MAF: variants seen among roughly 807,000 people sequenced by gnomAD.
The protein encoded by MAF is MAF bZIP transcription factor.
MAF carries 10 observed loss-of-function variants against 22.0 expected under a neutral mutation model. The ratio of observed to expected loss-of-function variants is 0.45; its 90% CI spans 0.28 to 0.77. The LOEUF (loss-of-function observed/expected upper bound fraction) is 0.77. Among genes scored for constraint, MAF ranks in the 30% least tolerant of loss-of-function variants. The pLI is 0.12. For synonymous variants in MAF, 337 were observed against 255.8 expected (o/e 1.32, Z -3.03); for missense variants, 544 against 548.4 (o/e 0.99, Z 0.08).
At chr16:79,273,901 A>T in the MAF span, among the ~76,000 whole-genome samples, 4 of 149,608 alleles carry the variant, frequency 2.7e-5, no homozygotes, top group African/African-American at 9.8e-5. Context: ...TGTCTGCCAT[A>T]GCTGGAGGTC....
At chr16:79,536,155 C>T in the MAF span, among the ~76,000 whole-genome samples, 1 of 152,192 alleles carries the variant, frequency 6.6e-6, no homozygotes, top group Admixed American at 6.5e-5. Flanking sequence ...TAAGGCGGTA[C>T]TTACCAAAAC....
chr16:79,230,784 G>T, the MAF span, among the ~76,000 whole-genome samples: 15 of 152,168 alleles, frequency 9.9e-5, no homozygotes, highest in South Asian at 2.5e-3. Flanking sequence ...TGAACAAAAT[G>T]TACTTATTGC....
the MAF span, among the ~76,000 whole-genome samples, chr16:79,466,050 G>C: frequency 6.6e-6 from 1 of 152,200 alleles, no homozygotes; most frequent in Non-Finnish European, 1.5e-5. Context: ...CCCACAGTGA[G>C]AATTTCAAGC....
At chr16:79,311,515 A>C in the MAF span, among the ~76,000 whole-genome samples, 1 of 146,458 alleles carries the variant, frequency 6.8e-6, no homozygotes, top group African/African-American at 2.6e-5. Flanking sequence ...AAAAAAAAAA[A>C]CATTATGTCT....
chr16:79,472,944 T>G, the MAF span, among the ~76,000 whole-genome samples: 1 of 152,020 alleles, frequency 6.6e-6, no homozygotes, highest in Non-Finnish European at 1.5e-5. Context: ...CGGTACCATA[T>G]GGCGCACCAG....
At chr16:79,228,600 T>G in the MAF span, among the ~76,000 whole-genome samples, 3 of 152,098 alleles carry the variant, frequency 2.0e-5, no homozygotes, top group Non-Finnish European at 1.5e-5. Context: ...CTCATGCCCT[T>G]TTCAATGGTT....
At chr16:79,342,296 C>G in the MAF span, among the ~76,000 whole-genome samples, 1 of 152,252 alleles carries the variant, frequency 6.6e-6, no homozygotes, top group Non-Finnish European at 1.5e-5. Flanking sequence ...AGAAAGAGGG[C>G]CCTCGTTGCT....
the MAF span, among the ~76,000 whole-genome samples, chr16:79,321,001 C>T: frequency 1.3e-5 from 2 of 152,078 alleles, no homozygotes; most frequent in African/African-American, 4.8e-5. Context: ...GGGGTTAGAC[C>T]CAGGTGACTA....
the MAF span, among the ~76,000 whole-genome samples, chr16:79,319,872 G>A: frequency 0.099 from 15,131 of 152,270 alleles, 970 homozygotes; most frequent in Middle Eastern, 0.14. Context: ...TGCAGTGGCT[G>A]AGGTTAGGCG....
At chr16:79,437,478 G>C in the MAF span, among the ~76,000 whole-genome samples, 1 of 151,972 alleles carries the variant, frequency 6.6e-6, no homozygotes, top group Non-Finnish European at 1.5e-5. Context: ...CATTAAAGTC[G>C]GGCTGATGGG....
At chr16:79,544,570 C>A in the MAF span, among the ~76,000 whole-genome samples, 1 of 151,926 alleles carries the variant, frequency 6.6e-6, no homozygotes, top group East Asian at 1.9e-4. Context: ...GTCAGGAGAT[C>A]GAGACCATCG....
the MAF span, among the ~76,000 whole-genome samples, chr16:79,265,735 A>G: frequency 6.6e-6 from 1 of 152,218 alleles, no homozygotes; most frequent in African/African-American, 2.4e-5. Context: ...CCTATCCTTA[A>G]GTCCAGAACT....
chr16:79,509,948 C>A, the MAF span, among the ~76,000 whole-genome samples: 12 of 152,312 alleles, frequency 7.9e-5, 1 homozygote, highest in South Asian at 4.1e-4. Flanking sequence ...AGGGACTCAC[C>A]GCTGAAGGAT....
chr16:79,342,301 G>A, the MAF span, among the ~76,000 whole-genome samples: 5 of 152,126 alleles, frequency 3.3e-5, no homozygotes, highest in African/African-American at 4.8e-5. Flanking sequence ...GAGGGCCCTC[G>A]TTGCTCTCCA....
chr16:79,397,304 G>C, the MAF span, among the ~76,000 whole-genome samples: 2 of 152,194 alleles, frequency 1.3e-5, no homozygotes, highest in African/African-American at 4.8e-5. Flanking sequence ...TCATCAATGT[G>C]TGGAGAGTTA....
chr16:79,598,604 G>GTGTGTT lies in MAF; in HGVS notation c.1118+180_1118+181insAACACA. The GTGTGTT allele has an allele frequency of 3.3e-6, 5 of 1,495,016 alleles. No homozygotes were observed. In the South Asian group the frequency reaches 3.9e-5, roughly 12 times the overall value. The allele number at this position is 1,495,016 out of a possible 1,614,324, so 92.6% of individuals were successfully genotyped here. ...GGGGTGTGTGTGTGTGTGTGTGTGT[G>GTGTGTT]TGTGTGGTGTGTGCGTGCGGGTTTG... On this transcript the variant is annotated intron_variant, in intron 1 of 1. Coordinates refer to ENST00000326043, the MANE Select transcript of MAF (RefSeq NM_005360.5).
the MAF span, among the ~76,000 whole-genome samples, chr16:79,334,902 A>G: frequency 1.3e-5 from 2 of 151,886 alleles, no homozygotes; most frequent in Non-Finnish European, 2.9e-5. Context: ...GAACATACAT[A>G]GAGGCTGGGT....
chr16:79,261,146 GTATT>G, the MAF span, among the ~76,000 whole-genome samples: 79 of 151,720 alleles, frequency 5.2e-4, 1 homozygote, highest in South Asian at 3.4e-3. Context: ...GCTCCCATGG[GTATT>G]TATTTATTTA....
In MAF at chr16:79,599,985, A is replaced by C; in HGVS notation, c.-83T>G. 1.9e-6 allele frequency: 3 copies of C among 1,579,172 alleles called. No individual in the cohort carries two copies. Among genetic ancestry groups the C allele is most frequent in the Non-Finnish European group, 2.6e-6 (3 of 1,166,440 alleles). ...GGCCAGCGGGCTGTGCTGGGTGGCC[A>C]GCGGGTGAGCCAGCTTGCCGGGCTG... On this transcript the variant is annotated 5_prime_UTR_variant, in exon 1 of 2. Coordinates refer to ENST00000326043, the MANE Select transcript of MAF (RefSeq NM_005360.5).
Sources: allele counts gnomAD v4.1 joint callset (sites outside exome capture counted in the v4.1 genomes callset), GRCh38; gene constraint gnomAD v4.1.1; transcripts MANE v1.5; gene names NCBI Gene and HGNC (gene_info 2026-07-23, HGNC 2026-07-21).